EXO1: variants seen among roughly 807,000 people sequenced by gnomAD.
EXO1 encodes exonuclease 1.
A neutral mutation model predicts 84.5 loss-of-function variants in EXO1; 69 were observed. That is an observed-to-expected ratio of 0.82 (90% CI 0.67 to 1.00). The LOEUF is 1.00. Ranked by LOEUF, EXO1 falls within the 50% of genes least tolerant of loss-of-function variation. The pLI is 0.00. For missense variants in EXO1, 1,045 were observed against 1,000.7 expected (o/e 1.04, Z -0.60); for synonymous variants, 373 against 366.1 (o/e 1.02, Z -0.21).
intron 12 of EXO1, among the ~76,000 whole-genome samples, chr1:241,875,653 C>T (rs563786574): frequency 6.6e-5 from 10 of 152,000 alleles, no homozygotes; most frequent in Non-Finnish European, 7.4e-5. Context: ...CCAAGGCGGT[C>T]GGATCATGAG....
intron 15 of EXO1, among the ~76,000 whole-genome samples, chr1:241,886,972 T>G (rs987532617): frequency 7.9e-5 from 12 of 152,234 alleles, no homozygotes; most frequent in Non-Finnish European, 1.6e-4. Flanking sequence ...TGGTTGAGTA[T>G]ATGAAGGAAA....
chr1:241,866,476 G>C (rs527437563), intron 10 of EXO1, among the ~76,000 whole-genome samples: 2 of 150,992 alleles, frequency 1.3e-5, no homozygotes, highest in South Asian at 4.2e-4. Context: ...CTTATTTCTT[G>C]CACCATTTGT....
In EXO1 at chr1:241,889,498, C is replaced by T. The variant is rs767084457; in HGVS notation, c.2439C>T (p.Pro813=). ...DSEKLPPCKK[P]LSPVRDNIQL... ...AAAAGCTTCCTCCTTGTAAGAAACC[C>T]CTGTCCCCAGTCAGAGATAACATCC... is the stretch of plus-strand genomic sequence containing the variant. The change falls in exon 16 of 16, where the codon CCC becomes CCT. Residue 813 remains proline (P), a synonymous_variant. Coordinates refer to ENST00000366548, the MANE Select transcript of EXO1 (RefSeq NM_130398.4). 1 of 1,613,694 alleles carries T rather than the reference C, an allele frequency of 6.2e-7. No homozygotes were observed.
At position 241,879,121 on chromosome 1, in the gene EXO1, A is replaced by G. The variant is rs776864553; in HGVS notation, c.1887A>G (p.Ala629=). ...CGCCGAGCCCCTCTCCAAGCACAGC[A>G]TTGCAGCAGTTCCGAAGAAAGAGCG... ...SRTPSPSPST[A]LQQFRRKSDS... is the part of the protein sequence containing the mutation. Residue 629 remains alanine, a synonymous_variant, in exon 13 of 16, where the codon GCA becomes GCG. Coordinates refer to ENST00000366548, the MANE Select transcript of EXO1 (RefSeq NM_130398.4). 3 of 1,612,260 alleles carry G rather than the reference A, an allele frequency of 1.9e-6. No individual in the cohort carries two copies. In the African/African-American group the frequency reaches 4.0e-5, roughly 22 times the overall value.
intron 8 of EXO1, 127 bp from the exon 9 acceptor site, chr1:241,860,390 T>C (rs1661313601): frequency 1.3e-6 from 1 of 751,070 alleles, no homozygotes; most frequent in African/African-American, 1.7e-5. Flanking sequence ...GCTGGTAGAA[T>C]TTTTTAATGT....
At chr1:241,861,278 TAAG>T in intron 9 of EXO1, 125 bp from the exon 10 acceptor site, 2 of 677,854 alleles carry the variant, frequency 3.0e-6, no homozygotes, top group Admixed American at 2.1e-5. Flanking sequence ...ATGTATAAAG[TAAG>T]GAGACTCCAT....
chr1:241,849,564 G>GAAT (rs1660535713), intron 3 of EXO1, among the ~76,000 whole-genome samples: 1 of 152,250 alleles, frequency 6.6e-6, no homozygotes, highest in East Asian at 1.9e-4. Flanking sequence ...TTTATTACCA[G>GAAT]AATGTTCGTG....
At chr1:241,868,374 CAAAAAAAAAA>C (rs10591886) in intron 11 of EXO1, among the ~76,000 whole-genome samples, 152 of 115,856 alleles carry the variant, frequency 1.3e-3, no homozygotes, top group Admixed American at 1.5e-3. Context: ...GAATCCATCT[CAAAAAAAAAA>C]AAAAAAAAAA....
At chr1:241,856,266 T>A (rs1661030665) in intron 6 of EXO1, among the ~76,000 whole-genome samples, 1 of 148,336 alleles carries the variant, frequency 6.7e-6, no homozygotes, top group Non-Finnish European at 1.5e-5. Context: ...TTTTTTTCTT[T>A]TTTTTTTTTT....
intron 15 of EXO1, 167 bp downstream of exon 15, chr1:241,885,674 A>G (rs540059429): frequency 2.4e-5 from 16 of 655,594 alleles, no homozygotes; most frequent in Non-Finnish European, 4.3e-5. Flanking sequence ...CTTAATATCA[A>G]TTTCTATACC....
intron 10 of EXO1, among the ~76,000 whole-genome samples, chr1:241,865,999 G>C (rs527534286): frequency 2.6e-5 from 4 of 152,238 alleles, no homozygotes; most frequent in Non-Finnish European, 4.4e-5. Flanking sequence ...GGATTGTAAT[G>C]ATTTTTTTTG....
rs1214700504 is a variant in EXO1, at chr1:241,848,408, C to T, written c.-420+55C>T. 6.6e-6 allele frequency: 1 copy of T among 152,318 alleles called. No individual in the cohort carries two copies. The highest frequency in any genetic ancestry group is 2.4e-5 in the African/African-American group (1 of 41,440). 9.4% of individuals were successfully genotyped at this position (152,318 alleles called of 1,614,324 possible). On this transcript the variant is annotated intron_variant, in intron 1 of 15. Coordinates refer to ENST00000366548, the MANE Select transcript of EXO1 (RefSeq NM_130398.4). The surrounding 1 kb of genome is among the most constrained non-coding windows in gnomAD (Gnocchi z 4.2). ...TGGGTGGGTTCCCTTGGGGGTCGACCTGCGCGTCACCTCCGACCCTCCTCT... is the reference window on the plus strand; with the variant it reads ...TGGGTGGGTTCCCTTGGGGGTCGACTTGCGCGTCACCTCCGACCCTCCTCT...
intron 10 of EXO1, among the ~76,000 whole-genome samples, chr1:241,865,999 GA>G (rs549247120): frequency 1.4e-3 from 215 of 152,238 alleles, no homozygotes; most frequent in Non-Finnish European, 2.5e-3. Context: ...GGATTGTAAT[GA>G]TTTTTTTTGT....
chr1:241,870,757 A>C (rs1368531438), intron 11 of EXO1, among the ~76,000 whole-genome samples: 1 of 152,182 alleles, frequency 6.6e-6, no homozygotes, highest in Non-Finnish European at 1.5e-5. Context: ...TGTATTTTCT[A>C]ATAAATGCAT....
In EXO1 at chr1:241,868,374, CA is replaced by C. The variant is rs10591886; in HGVS notation, c.1267+1343del. ...TGGGCGCCAGAGAAAGAATCCATCT[CA>C]AAAAAAAAAAAAAAAAAAAAAAATT... On this transcript the variant is annotated intron_variant, in intron 11 of 15. Transcript: ENST00000366548. Among the ~76,000 whole-genome samples, 709 of 115,782 alleles carry C rather than the reference CA, an allele frequency of 6.1e-3. 2 individuals carry two copies. The highest frequency in any genetic ancestry group is 0.017 in the African/African-American group (538 of 31,008). The allele number at this position is 115,782 out of a possible 152,430, so 76.0% of individuals were successfully genotyped here.
intron 13 of EXO1, among the ~76,000 whole-genome samples, chr1:241,881,599 G>A (rs921168191): frequency 2.0e-5 from 3 of 152,144 alleles, no homozygotes; most frequent in Non-Finnish European, 2.9e-5. Context: ...TTAACCACAC[G>A]TGCGTAACGC....
intron 12 of EXO1, among the ~76,000 whole-genome samples, chr1:241,872,522 A>G (rs1662175185): frequency 1.3e-5 from 2 of 152,004 alleles, no homozygotes; most frequent in Admixed American, 1.3e-4. Flanking sequence ...ACCCTGCCAC[A>G]GGCCGGGGTG....
chr1:241,850,286 A>AC, intron 3 of EXO1, 123 bp from the exon 4 acceptor site: 2 of 689,464 alleles, frequency 2.9e-6, no homozygotes, highest in Non-Finnish European at 4.7e-6. Context: ...TCTCAAAAAA[A>AC]AAAAAAAACA....
intron 8 of EXO1, among the ~76,000 whole-genome samples, chr1:241,859,266 A>C (rs368936858): frequency 6.8e-6 from 1 of 146,240 alleles, no homozygotes; most frequent in East Asian, 2.1e-4. Context: ...TATGAGAGAG[A>C]GGAATCATAC....
Sources: allele counts gnomAD v4.1 joint callset (sites outside exome capture counted in the v4.1 genomes callset), GRCh38; gene constraint gnomAD v4.1.1; non-coding constraint Gnocchi (gnomAD v3.1); transcripts MANE v1.5; gene names NCBI Gene and HGNC (gene_info 2026-07-23, HGNC 2026-07-21).